Variants in NVL observed in about 807,000 individuals in gnomAD.
The protein encoded by NVL is nuclear VCP like, also known as nuclear valosin-containing protein-like.
In NVL, 84 loss-of-function variants were observed where a neutral mutation model predicts 110.2. The observed-to-expected ratio is 0.76, with a 90% CI of 0.64 to 0.91. The LOEUF (loss-of-function observed/expected upper bound fraction) is 0.91, where lower values mean the gene tolerates loss of function less well. NVL is among the 40% of genes least tolerant of loss of function. The pLI, the probability that NVL is intolerant of heterozygous loss-of-function variation, is 0.00. For synonymous variants in NVL, 354 were observed against 361.1 expected (o/e 0.98, Z 0.22); for missense variants, 882 against 1,035.9 (o/e 0.85, Z 2.04).
intron 6 of NVL, among the ~76,000 whole-genome samples, chr1:224,307,738 A>C (rs1362698669): frequency 2.6e-5 from 4 of 151,882 alleles, no homozygotes; most frequent in African/African-American, 9.7e-5. Flanking sequence ...TCTCTGTGTA[A>C]AGAATAAACT....
intron 18 of NVL, among the ~76,000 whole-genome samples, chr1:224,262,384 T>C (rs1434354536): frequency 6.6e-6 from 1 of 152,088 alleles, no homozygotes; most frequent in Non-Finnish European, 1.5e-5. Flanking sequence ...GGTCTCACAT[T>C]TGGAAAAACA....
At chr1:224,315,444 T>A (rs1669974094) in intron 4 of NVL, among the ~76,000 whole-genome samples, 1 of 152,196 alleles carries the variant, frequency 6.6e-6, no homozygotes, top group Non-Finnish European at 1.5e-5. Flanking sequence ...ATGCAATACC[T>A]ATTCATGACA....
intron 19 of NVL, among the ~76,000 whole-genome samples, chr1:224,239,967 G>C (rs573295188): frequency 6.6e-6 from 1 of 151,726 alleles, no homozygotes; most frequent in South Asian, 2.1e-4. Flanking sequence ...ACGCAATCTC[G>C]GCTCACTGCA....
intron 1 of NVL, among the ~76,000 whole-genome samples, chr1:224,328,089 T>C (rs1292846430): frequency 3.3e-5 from 5 of 152,112 alleles, no homozygotes; most frequent in Admixed American, 2.6e-4. Context: ...TTTTTAGTTA[T>C]ACTTTAAGTT....
chr1:224,303,859 T>C lies in NVL; in HGVS notation c.826-2A>G, dbSNP rs748463138. The C allele has an allele frequency of 2.5e-6, 4 of 1,605,160 alleles. No individual in the cohort carries two copies. The Admixed American group carries it at 6.9e-5, about 28-fold the overall frequency. On this transcript the variant is annotated splice_acceptor_variant, in intron 8 of 22. Coordinates refer to ENST00000281701, the MANE Select transcript of NVL (RefSeq NM_002533.4). LOFTEE classifies it high-confidence loss of function. ...GTGTATGAGCATCTTGCAGACCTCC[T>C]AGCAGAGGATAAGCACAAAGATGTC...
chr1:224,236,486 C>T lies in NVL; in HGVS notation c.2366+20G>A. ...AATTGAACCCCAGAGAGTGAATTGA[C>T]TTAAGATTTAAACACTTACGTATAG... On this transcript the variant is annotated intron_variant, in intron 20 of 22. Coordinates refer to ENST00000281701, the MANE Select transcript of NVL (RefSeq NM_002533.4). 1.9e-6 allele frequency: 3 copies of T among 1,597,634 alleles called. No homozygotes were observed. Among genetic ancestry groups the T allele is most frequent in the Non-Finnish European group, 2.6e-6 (3 of 1,165,082 alleles).
In NVL at chr1:224,238,034, C is replaced by T. The variant is rs369377216; in HGVS notation, c.2290-1452G>A. Among the ~76,000 whole-genome samples, 39 of 150,418 alleles carry T rather than the reference C, an allele frequency of 2.6e-4. No homozygotes were observed. In the East Asian group the frequency reaches 5.3e-3, roughly 20 times the overall value. ...TAAACACAAGCCATTAAGCTTTTCTCTTTTCTTTTTTTTTCTTTGAGACAG... is the reference window on the plus strand; with the variant it reads ...TAAACACAAGCCATTAAGCTTTTCTTTTTTCTTTTTTTTTCTTTGAGACAG... On this transcript the variant is annotated intron_variant, in intron 19 of 22. Coordinates refer to ENST00000281701, the MANE Select transcript of NVL (RefSeq NM_002533.4).
intron 22 of NVL, 34 bp from the exon 23 acceptor site, chr1:224,227,704 G>T: frequency 6.3e-7 from 1 of 1,595,488 alleles, no homozygotes; most frequent in South Asian, 1.1e-5. Flanking sequence ...TACAGAGACC[G>T]TCACTGCTTG....
intron 19 of NVL, among the ~76,000 whole-genome samples, chr1:224,243,416 G>A (rs1033255403): frequency 4.6e-5 from 7 of 151,920 alleles, no homozygotes; most frequent in Admixed American, 2.6e-4. Context: ...AGCCAAGACC[G>A]CACCACTGCC....
In NVL at chr1:224,229,143, A is replaced by G. The variant is rs573076259; in HGVS notation, c.2527-1473T>C. On this transcript the variant is annotated intron_variant, in intron 22 of 22. Transcript: ENST00000281701. ...AACCCTGTCTCTACTAAAAATACAA[A>G]AAATTAGCCGGGTGTGGTGGCACAT... 2.0e-5 allele frequency among the ~76,000 whole-genome samples: 3 copies of G among 150,924 alleles called. No individual in the cohort carries two copies. The South Asian group carries it at 6.3e-4, about 32-fold the overall frequency.
At chr1:224,264,282 C>T (rs1318841521) in intron 18 of NVL, among the ~76,000 whole-genome samples, 10 of 149,908 alleles carry the variant, frequency 6.7e-5, no homozygotes, top group South Asian at 6.3e-4. Context: ...CTCACTCTGT[C>T]GCCCAGGCTG....
intron 13 of NVL, 155 bp downstream of exon 13, chr1:224,289,329 T>C (rs1667158227): frequency 1.2e-5 from 7 of 595,408 alleles, no homozygotes; most frequent in Middle Eastern, 8.4e-4. Flanking sequence ...ATTTTTGAAA[T>C]GATAAACATC....
intron 1 of NVL, among the ~76,000 whole-genome samples, chr1:224,327,813 C>A (rs1286986113): frequency 6.6e-6 from 1 of 150,910 alleles, no homozygotes; most frequent in Non-Finnish European, 1.5e-5. Context: ...TGCTCAGAAA[C>A]CTCAATAAAG....
At chr1:224,233,879 A>G (rs527874379) in intron 20 of NVL, among the ~76,000 whole-genome samples, 1 of 152,264 alleles carries the variant, frequency 6.6e-6, no homozygotes, top group East Asian at 1.9e-4. Context: ...CATAATGTCT[A>G]AAGTAAGCTT....
intron 18 of NVL, among the ~76,000 whole-genome samples, chr1:224,261,383 A>C (rs1391137505): frequency 6.6e-6 from 1 of 152,148 alleles, no homozygotes; most frequent in Admixed American, 6.6e-5. Flanking sequence ...GAAAATACGT[A>C]ATTATTGAGT....
chr1:224,289,773 C>T, intron 12 of NVL, 40 bp from the exon 13 acceptor site: 2 of 1,572,840 alleles, frequency 1.3e-6, no homozygotes, highest in East Asian at 2.3e-5. Flanking sequence ...GATTCCTGAT[C>T]TAATAGTAAA....
chr1:224,293,785 C>T (rs1571976398), intron 12 of NVL, among the ~76,000 whole-genome samples: 1 of 152,190 alleles, frequency 6.6e-6, no homozygotes, highest in South Asian at 2.1e-4. Context: ...CAACCTGAAA[C>T]AATTATCCTA....
At chr1:224,305,919 T>G (rs532992429) in intron 6 of NVL, among the ~76,000 whole-genome samples, 1 of 152,384 alleles carries the variant, frequency 6.6e-6, no homozygotes, top group Non-Finnish European at 1.5e-5. Context: ...TGGAATAATC[T>G]GCCTTGTATG....
At chr1:224,233,177 G>C in intron 21 of NVL, 24 bp downstream of exon 21, 2 of 1,584,820 alleles carry the variant, frequency 1.3e-6, no homozygotes, top group Non-Finnish European at 1.7e-6. Flanking sequence ...AATTAGAATT[G>C]AGAGATTCTG....
Sources: gnomAD v4.1 joint callset for allele counts (sites outside exome capture counted in the v4.1 genomes callset) on GRCh38, gnomAD v4.1.1 for gene constraint, MANE v1.5 for transcripts, NCBI Gene and HGNC (gene_info 2026-07-23, HGNC 2026-07-21) for gene names.